SP100: variants seen among roughly 807,000 people sequenced by gnomAD.
The protein encoded by SP100 is SP100 nuclear body protein, also known as nuclear autoantigen Sp-100.
In SP100, 84 loss-of-function variants were observed where a neutral mutation model predicts 130.0. That is an observed-to-expected ratio of 0.65 (90% CI 0.54 to 0.77). The LOEUF (loss-of-function observed/expected upper bound fraction) is 0.77. SP100 is among the 30% of genes least tolerant of loss of function. The pLI is 0.00. For synonymous variants in SP100, 331 were observed against 351.7 expected (o/e 0.94, Z 0.66); for missense variants, 978 against 1,052.2 (o/e 0.93, Z 0.97).
chr2:230,440,694 T>G (rs1182855036), intron 2 of SP100: 2 of 772,084 alleles, frequency 2.6e-6, no homozygotes, highest in East Asian at 7.2e-5. Flanking sequence ...ATTGACAAAC[T>G]GATTTGAAAA....
intron 17 of SP100, among the ~76,000 whole-genome samples, chr2:230,482,651 C>T (rs2065887841): frequency 6.6e-6 from 1 of 151,762 alleles, no homozygotes; most frequent in South Asian, 2.1e-4. Flanking sequence ...CTAGCTTCTC[C>T]ACTGATGTGT....
rs1227989758 is a variant in SP100 at position 230,494,406 on chromosome 2, C to A, written c.1601-10C>A. ...TCTAAAGGATTATTTTCTTTCTTTT[C>A]TGTTTGCAGGAAAAAAGAGAAGGCA... On this transcript the variant is annotated splice_polypyrimidine_tract_variant and intron_variant, in intron 17 of 28. Coordinates refer to ENST00000340126, the MANE Select transcript of SP100 (RefSeq NM_001080391.2). 3.2e-6 allele frequency: 5 copies of A among 1,573,610 alleles called. No homozygotes were observed. Among genetic ancestry groups the A allele is most frequent in the Non-Finnish European group, 4.4e-6 (5 of 1,143,752 alleles).
chr2:230,454,024 G>T (rs966271129), intron 8 of SP100, among the ~76,000 whole-genome samples: 11 of 152,072 alleles, frequency 7.2e-5, no homozygotes, highest in Non-Finnish European at 1.6e-4. Context: ...GTCTTGGTAG[G>T]CTGTGTGTGT....
intron 1 of SP100, chr2:230,416,672 T>A: frequency 1.1e-6 from 1 of 949,070 alleles, no homozygotes; most frequent in Non-Finnish European, 1.3e-6. Context: ...TCAGCCTTCC[T>A]CTACCTTCAA....
chr2:230,500,459 T>C (rs749255676), intron 19 of SP100, among the ~76,000 whole-genome samples: 1 of 152,276 alleles, frequency 6.6e-6, no homozygotes, highest in Admixed American at 6.5e-5. Context: ...TAGGTTTTGA[T>C]TGAAAGGAAA....
intron 24 of SP100, among the ~76,000 whole-genome samples, chr2:230,531,418 G>C (rs1691696538): frequency 1.3e-5 from 2 of 152,094 alleles, no homozygotes; most frequent in South Asian, 4.2e-4. Flanking sequence ...GGGCCTGTTG[G>C]GGGGTTGAGG....
At chr2:230,425,395 T>A (rs778477528) in intron 2 of SP100, among the ~76,000 whole-genome samples, 3 of 152,342 alleles carry the variant, frequency 2.0e-5, no homozygotes, top group Middle Eastern at 3.4e-3. Context: ...AATCTACCAA[T>A]GGGCTTGTCA....
chr2:230,439,553 G>T (rs2063402666), intron 2 of SP100, among the ~76,000 whole-genome samples: 1 of 147,100 alleles, frequency 6.8e-6, no homozygotes. Context: ...TTGGATTTTT[G>T]TTGTTGTTGT....
In SP100 at chr2:230,421,553, C is replaced by T. The variant is rs1232563934; in HGVS notation, c.107+3888C>T. 2.0e-5 allele frequency among the ~76,000 whole-genome samples: 3 copies of T among 147,842 alleles called. No individual in the cohort carries two copies. The East Asian group carries it at 5.9e-4, about 29-fold the overall frequency. On this transcript the variant is annotated intron_variant, in intron 2 of 28. Transcript: ENST00000340126. ...CTTACTGGGATTCAATTGAGAGACA[C>T]TATATATATATATATATAAATTGTA... is the stretch of plus-strand genomic sequence containing the variant.
At chr2:230,447,668 G>T (rs2063768318) in intron 5 of SP100, among the ~76,000 whole-genome samples, 1 of 152,216 alleles carries the variant, frequency 6.6e-6, no homozygotes, top group Non-Finnish European at 1.5e-5. Flanking sequence ...AAAGCGTGGG[G>T]AAGGGCACAG....
chr2:230,538,982 C>G (rs1692057859), intron 24 of SP100: 1 of 262,224 alleles, frequency 3.8e-6, no homozygotes, highest in African/African-American at 2.1e-5. Context: ...GTTTTCCCAG[C>G]TGTTTAATAA....
chr2:230,447,189 G>A (rs549127592), intron 5 of SP100, among the ~76,000 whole-genome samples: 60 of 152,292 alleles, frequency 3.9e-4, no homozygotes, highest in African/African-American at 1.4e-3. Context: ...TAGGGGATCA[G>A]TGTGAAGTTG....
chr2:230,497,176 A>G, intron 18 of SP100, among the ~76,000 whole-genome samples: 1 of 152,194 alleles, frequency 6.6e-6, no homozygotes, highest in East Asian at 1.9e-4. Flanking sequence ...GCAGATCTTA[A>G]GCCCCAAATC....
chr2:230,460,076 G>A (rs1040635434), intron 8 of SP100, among the ~76,000 whole-genome samples: 2 of 152,068 alleles, frequency 1.3e-5, no homozygotes, highest in Admixed American at 1.3e-4. Flanking sequence ...ATGCTTTTGG[G>A]AAAACAGTTT....
chr2:230,451,103 G>T (rs540878517), intron 8 of SP100, among the ~76,000 whole-genome samples: 13 of 152,130 alleles, frequency 8.5e-5, no homozygotes, highest in African/African-American at 3.1e-4. Context: ...TAGTCCCATC[G>T]TAACTCTAGG....
intron 18 of SP100, among the ~76,000 whole-genome samples, chr2:230,494,721 G>A (rs192409993): frequency 7.9e-4 from 121 of 152,244 alleles, no homozygotes; most frequent in African/African-American, 2.8e-3. Flanking sequence ...GGTCCACAAG[G>A]GCTGAGCTGG....
chr2:230,473,139 C>A (rs749208184), intron 15 of SP100, 185 bp from the exon 16 acceptor site: 1 of 478,712 alleles, frequency 2.1e-6, no homozygotes, highest in Non-Finnish European at 3.8e-6. Context: ...AGATGAAATT[C>A]TCAGGGTTAT....
At chr2:230,534,171 G>A (rs1691826102) in intron 24 of SP100, among the ~76,000 whole-genome samples, 1 of 152,204 alleles carries the variant, frequency 6.6e-6, no homozygotes, top group South Asian at 2.1e-4. Context: ...ACTTTGGGAG[G>A]CTGAGGTGGG....
intron 9 of SP100, among the ~76,000 whole-genome samples, chr2:230,462,105 C>T (rs953832576): frequency 6.0e-5 from 9 of 151,240 alleles, no homozygotes; most frequent in African/African-American, 2.2e-4. Context: ...GAGACACCAT[C>T]GCTGGAAACA....
Sources: allele counts gnomAD v4.1 joint callset (sites outside exome capture counted in the v4.1 genomes callset), GRCh38; gene constraint gnomAD v4.1.1; transcripts MANE v1.5; gene names NCBI Gene and HGNC (gene_info 2026-07-23, HGNC 2026-07-21).